The following KRTAP10-1 variants were observed in gnomAD, a reference collection of about 807,000 sequenced individuals.
The protein encoded by KRTAP10-1 is keratin-associated protein 10-1.
For missense variants in KRTAP10-1, 364 were observed against 369.2 expected (o/e 0.99, Z 0.12); for synonymous variants, 155 against 153.3 (o/e 1.01, Z -0.08).
chr21:44,539,001 T>G lies in KRTAP10-1; in HGVS notation c.*301A>C. On this transcript the variant is annotated 3_prime_UTR_variant, in exon 1 of 1. Transcript: ENST00000400375. ...GAGAATCAGGTGACCAAGGAGAGTTTATTGGGGAGCAGGAGGAGGTGCTGA... is the reference window on the plus strand; with the variant it reads ...GAGAATCAGGTGACCAAGGAGAGTTGATTGGGGAGCAGGAGGAGGTGCTGA... 1 of 550,820 alleles carries G rather than the reference T, an allele frequency of 1.8e-6. No homozygotes were observed. The highest frequency in any genetic ancestry group is 3.2e-6 in the Non-Finnish European group (1 of 309,644). 34.1% of individuals were successfully genotyped at this position (550,820 alleles called of 1,614,324 possible).
At position 44,539,932 on chromosome 21, in the gene KRTAP10-1, G is replaced by C. The variant is rs782008637; in HGVS notation, c.219C>G (p.Ser73Arg). Residue 73 changes from serine to arginine, a missense_variant, in exon 1 of 1, where the codon AGC (serine) becomes AGG (arginine). By Grantham distance (110) the Ser-to-Arg change is moderately radical. Transcript: ENST00000400375. Reference protein sequence around the residue: ...EPSPCQSGCTSSCTPSCCQQS... With the variant: ...EPSPCQSGCTRSCTPSCCQQS... Reference sequence around the variant, plus strand: ...GCTGGCAGCACGAGGGCGTGCAGGAGCTGGTGCAGCCTGATTGGCAGGGGC... The same window carrying C: ...GCTGGCAGCACGAGGGCGTGCAGGACCTGGTGCAGCCTGATTGGCAGGGGC... The C allele has an allele frequency of 6.2e-7, 1 of 1,613,820 alleles. No individual in the cohort carries two copies. The highest frequency in any genetic ancestry group is 1.1e-5 in the South Asian group (1 of 91,062).
Position 44,539,956 on chromosome 21 carries a change from G to C in KRTAP10-1, c.195C>G (p.Ser65Arg). Residue 65 changes from serine (S) to arginine (R), a missense_variant, in exon 1 of 1, where the codon AGC becomes AGG. Ser to Arg is a moderately radical substitution (Grantham distance 110). Transcript: ENST00000400375. ...SPCCQAACEP[S>R]PCQSGCTSSC... Reference sequence around the variant, plus strand: ...AGCTGGTGCAGCCTGATTGGCAGGGGCTGGGCTCACAGGCTGCCTGGCAGC... The same window carrying C: ...AGCTGGTGCAGCCTGATTGGCAGGGCCTGGGCTCACAGGCTGCCTGGCAGC... The C allele has an allele frequency of 3.1e-6, 5 of 1,613,546 alleles. No individual in the cohort carries two copies. The highest frequency in any genetic ancestry group is 4.2e-6 in the Non-Finnish European group (5 of 1,179,958).
At position 44,539,261 on chromosome 21, in the gene KRTAP10-1, G is replaced by GAT. The variant is rs1601385652; in HGVS notation, c.*40_*41insAT. 3.1e-6 allele frequency: 5 copies of GAT among 1,592,962 alleles called. No individual in the cohort carries two copies. In the East Asian group the frequency reaches 8.9e-5, roughly 28 times the overall value. On this transcript the variant is annotated 3_prime_UTR_variant, in exon 1 of 1. Transcript: ENST00000400375. ...AACTGAGCCCAGCTGGCCCAGGGCG[G>GAT]GTGCCCATCAGCAGCTGGACTCCTG...
In KRTAP10-1 at chr21:44,539,056, A is replaced by G. The variant is rs2053149237; in HGVS notation, c.*246T>C. Reference sequence around the variant, plus strand: ...TTCAAGTCGAGGCCAAGTGACCCAGAGCAGAGAAGCTGGGAGGGAGGACAG... The same window carrying G: ...TTCAAGTCGAGGCCAAGTGACCCAGGGCAGAGAAGCTGGGAGGGAGGACAG... On this transcript the variant is annotated 3_prime_UTR_variant, in exon 1 of 1. Transcript: ENST00000400375. 8 of 632,674 alleles carry G rather than the reference A, an allele frequency of 1.3e-5. No individual in the cohort carries two copies. Among genetic ancestry groups the G allele is most frequent in the Middle Eastern group, 4.2e-4 (1 of 2,358 alleles). The allele number at this position is 632,674 out of a possible 1,614,324, so 39.2% of individuals were successfully genotyped here. A position where few individuals can be genotyped will look rare whatever the true frequency, so the allele number is the denominator to read the frequency against.
rs1569173412 is a variant in KRTAP10-1 at position 44,539,376 on chromosome 21, G to A, written c.775C>T (p.Gln259Ter). 6.2e-7 allele frequency: 1 copy of A among 1,612,756 alleles called. No individual in the cohort carries two copies. ...SSCCAPASSC[Q>*]ASCCRPASCV... is the part of the protein sequence containing the mutation. Reference sequence around the variant, plus strand: ...GAGGCCGGGCGGCAGCAGCTGGCCTGGCAGGAGGAGGCAGGGGCACAGCAG... The same window carrying A: ...GAGGCCGGGCGGCAGCAGCTGGCCTAGCAGGAGGAGGCAGGGGCACAGCAG... Residue 259 changes from glutamine to a stop codon, truncating the protein, a stop_gained, in exon 1 of 1, where the codon CAG becomes TAG. Coordinates refer to ENST00000400375, the MANE Select transcript of KRTAP10-1 (RefSeq NM_198691.3). LOFTEE classifies it high-confidence loss of function.
At position 44,539,990 on chromosome 21, in the gene KRTAP10-1, G is replaced by T; in HGVS notation, c.161C>A (p.Ser54Tyr). ...TLVCTPVSRV[S>Y]SPCCQAACEP... ...ACAGGCTGCCTGGCAGCAGGGGCTG[G>T]ACACACGGCTCACTGGGGTGCAGAC... The change falls in exon 1 of 1, where the codon TCC (serine) becomes TAC (tyrosine). Residue 54 changes from serine (S) to tyrosine (Y), a missense_variant. Ser to Tyr is a moderately radical substitution (Grantham distance 144, BLOSUM62 -2). Coordinates refer to ENST00000400375, the MANE Select transcript of KRTAP10-1 (RefSeq NM_198691.3). 6.2e-7 allele frequency: 1 copy of T among 1,613,250 alleles called. No homozygotes were observed. The highest frequency in any genetic ancestry group is 8.5e-7 in the Non-Finnish European group (1 of 1,179,924).
At position 44,539,809 on chromosome 21, in the gene KRTAP10-1, G is replaced by A. The variant is rs1555916925; in HGVS notation, c.342C>T (p.Cys114=). The stretch of plus-strand genomic sequence containing the variant: ...GGCAGCATGAAGAGGAATCCTTAGA[G>A]CAGGTGGGCAGGCAGCACACAGGCT... ...CCKPVCCLPT[C]SKDSSSCCQQ... The change falls in exon 1 of 1, where the codon TGC becomes TGT. Residue 114 remains cysteine (C), a synonymous_variant. Transcript: ENST00000400375. 10 of 1,613,328 alleles carry A rather than the reference G, an allele frequency of 6.2e-6. No homozygotes were observed. The highest frequency in any genetic ancestry group is 8.5e-6 in the Non-Finnish European group (10 of 1,179,718).
chr21:44,539,084 G>A lies in KRTAP10-1; in HGVS notation c.*218C>T. On this transcript the variant is annotated 3_prime_UTR_variant, in exon 1 of 1. Transcript: ENST00000400375. ...AGAGAAGCTGGGAGGGAGGACAGGG[G>A]ACCTAGCAGGCAGGTGGGCACCTGC... The A allele has an allele frequency of 2.7e-6, 2 of 750,126 alleles. No individual in the cohort carries two copies. Among genetic ancestry groups the A allele is most frequent in the Non-Finnish European group, 4.2e-6 (2 of 475,286 alleles). 46.5% of individuals were successfully genotyped at this position (750,126 alleles called of 1,614,324 possible).
chr21:44,539,066 C>G lies in KRTAP10-1; in HGVS notation c.*236G>C, dbSNP rs2053149342. On this transcript the variant is annotated 3_prime_UTR_variant, in exon 1 of 1. Coordinates refer to ENST00000400375, the MANE Select transcript of KRTAP10-1 (RefSeq NM_198691.3). ...GGCCAAGTGACCCAGAGCAGAGAAG[C>G]TGGGAGGGAGGACAGGGGACCTAGC... 2 of 659,860 alleles carry G rather than the reference C, an allele frequency of 3.0e-6. No individual in the cohort carries two copies. The highest frequency in any genetic ancestry group is 2.8e-5 in the East Asian group (1 of 36,310). The allele number at this position is 659,860 out of a possible 1,614,324, so 40.9% of individuals were successfully genotyped here.
In KRTAP10-1 at chr21:44,539,070, G is replaced by C; in HGVS notation, c.*232C>G. 1 of 671,254 alleles carries C rather than the reference G, an allele frequency of 1.5e-6. No individual in the cohort carries two copies. The highest frequency in any genetic ancestry group is 2.5e-6 in the Non-Finnish European group (1 of 404,670). 41.6% of individuals were successfully genotyped at this position (671,254 alleles called of 1,614,324 possible). The stretch of plus-strand genomic sequence containing the variant: ...AAGTGACCCAGAGCAGAGAAGCTGG[G>C]AGGGAGGACAGGGGACCTAGCAGGC... On this transcript the variant is annotated 3_prime_UTR_variant, in exon 1 of 1. Coordinates refer to ENST00000400375, the MANE Select transcript of KRTAP10-1 (RefSeq NM_198691.3).
At position 44,539,236 on chromosome 21, in the gene KRTAP10-1, A is replaced by C; in HGVS notation, c.*66T>G. 1 of 1,571,638 alleles carries C rather than the reference A, an allele frequency of 6.4e-7. No individual in the cohort carries two copies. On this transcript the variant is annotated 3_prime_UTR_variant, in exon 1 of 1. Coordinates refer to ENST00000400375, the MANE Select transcript of KRTAP10-1 (RefSeq NM_198691.3). ...GGGAAGCCACCTAACCCAGGTCAGGAACTGAGCCCAGCTGGCCCAGGGCGG... is the reference window on the plus strand; with the variant it reads ...GGGAAGCCACCTAACCCAGGTCAGGCACTGAGCCCAGCTGGCCCAGGGCGG...
At position 44,539,181 on chromosome 21, in the gene KRTAP10-1, A is replaced by T; in HGVS notation, c.*121T>A. Reference sequence around the variant, plus strand: ...CAAGGAGGGGGGGTCACCTCAGCACAGGGGAGACACGGGGACCCGTCCTAG... The same window carrying T: ...CAAGGAGGGGGGGTCACCTCAGCACTGGGGAGACACGGGGACCCGTCCTAG... On this transcript the variant is annotated 3_prime_UTR_variant, in exon 1 of 1. Transcript: ENST00000400375. 6.8e-7 allele frequency: 1 copy of T among 1,466,514 alleles called. No homozygotes were observed. Among genetic ancestry groups the T allele is most frequent in the Non-Finnish European group, 9.0e-7 (1 of 1,108,350 alleles). 90.8% of individuals were successfully genotyped at this position (1,466,514 alleles called of 1,614,324 possible).
In KRTAP10-1 at chr21:44,540,112, G is replaced by A. The variant is rs782463386; in HGVS notation, c.39C>T (p.Cys13=). The part of the protein sequence containing the change: ...ASTMSVCSSA[C]SDSWQVDACP... Reference sequence around the variant, plus strand: ...AGGCATCCACCTGCCAGGAGTCGGAGCAAGCGCTGGAGCAGACGGACATGG... The same window carrying A: ...AGGCATCCACCTGCCAGGAGTCGGAACAAGCGCTGGAGCAGACGGACATGG... Residue 13 remains cysteine, a synonymous_variant, in exon 1 of 1, where the codon TGC becomes TGT. Coordinates refer to ENST00000400375, the MANE Select transcript of KRTAP10-1 (RefSeq NM_198691.3). The A allele has an allele frequency of 5.6e-6, 9 of 1,613,682 alleles. No individual in the cohort carries two copies. The highest frequency in any genetic ancestry group is 7.6e-6 in the Non-Finnish European group (9 of 1,179,920).
chr21:44,540,172 G>A lies in KRTAP10-1; in HGVS notation c.-22C>T. On this transcript the variant is annotated 5_prime_UTR_variant, in exon 1 of 1. Coordinates refer to ENST00000400375, the MANE Select transcript of KRTAP10-1 (RefSeq NM_198691.3). ...CCATGCTGGGGTGGGGAGGAGGTGA[G>A]CTGCGGGAGGTGTGAGTGAGTGAGT... 6.2e-7 allele frequency: 1 copy of A among 1,606,318 alleles called. No homozygotes were observed. Among genetic ancestry groups the A allele is most frequent in the Non-Finnish European group, 8.5e-7 (1 of 1,176,268 alleles).
Position 44,539,384 on chromosome 21 carries a change from G to A in KRTAP10-1, c.767C>T (p.Ser256Phe), listed in dbSNP as rs781993874. The A allele has an allele frequency of 6.2e-7, 1 of 1,612,756 alleles. No homozygotes were observed. Among genetic ancestry groups the A allele is most frequent in the Non-Finnish European group, 8.5e-7 (1 of 1,179,354 alleles). Reference sequence around the variant, plus strand: ...GCGGCAGCAGCTGGCCTGGCAGGAGGAGGCAGGGGCACAGCAGGAGGAGAC... The same window carrying A: ...GCGGCAGCAGCTGGCCTGGCAGGAGAAGGCAGGGGCACAGCAGGAGGAGAC... ...MPVSSCCAPASSCQASCCRPA... is the reference protein window; with the variant it reads ...MPVSSCCAPAFSCQASCCRPA... Residue 256 changes from serine to phenylalanine, a missense_variant, in exon 1 of 1, where the codon TCC becomes TTC. Transcript: ENST00000400375.
At position 44,539,466 on chromosome 21, in the gene KRTAP10-1, A is replaced by G. The variant is rs2053164415; in HGVS notation, c.685T>C (p.Ser229Pro). ...CGGCAGAGGAGGGACACGGAGGAGG[A>G]GGGTCTGCAGCAGGAGGTGGTGCAG... ...ACCTTSCCRP[S>P]SSVSLLCRPV... is the part of the protein sequence containing the mutation. The change falls in exon 1 of 1, where the codon TCC becomes CCC. Residue 229 changes from serine to proline, a missense_variant. Coordinates refer to ENST00000400375, the MANE Select transcript of KRTAP10-1 (RefSeq NM_198691.3). 1.9e-6 allele frequency: 3 copies of G among 1,613,066 alleles called. No individual in the cohort carries two copies. Among genetic ancestry groups the G allele is most frequent in the Non-Finnish European group, 2.5e-6 (3 of 1,179,618 alleles).
In KRTAP10-1 at chr21:44,539,979, A is replaced by G. The variant is rs369902631; in HGVS notation, c.172T>C (p.Cys58Arg). The G allele has an allele frequency of 4.3e-6, 7 of 1,613,338 alleles. No individual in the cohort carries two copies. The highest frequency in any genetic ancestry group is 5.9e-6 in the Non-Finnish European group (7 of 1,179,930). Reference sequence around the variant, plus strand: ...GGGCTGGGCTCACAGGCTGCCTGGCAGCAGGGGCTGGACACACGGCTCACT... The same window carrying G: ...GGGCTGGGCTCACAGGCTGCCTGGCGGCAGGGGCTGGACACACGGCTCACT... ...TPVSRVSSPC[C>R]QAACEPSPCQ... The change falls in exon 1 of 1, where the codon TGC becomes CGC. Residue 58 changes from cysteine to arginine, a missense_variant. Coordinates refer to ENST00000400375, the MANE Select transcript of KRTAP10-1 (RefSeq NM_198691.3).
chr21:44,540,096 C>T lies in KRTAP10-1; in HGVS notation c.55G>A (p.Val19Met). The stretch of plus-strand genomic sequence containing the variant: ...CAGCAGCTCTCTGGGCAGGCATCCA[C>T]CTGCCAGGAGTCGGAGCAAGCGCTG... Reference protein sequence around the residue: ...CSSACSDSWQVDACPESCCEP... With the variant: ...CSSACSDSWQMDACPESCCEP... Residue 19 changes from valine (V) to methionine (M), a missense_variant, in exon 1 of 1, where the codon GTG becomes ATG. Transcript: ENST00000400375. The T allele has an allele frequency of 1.2e-6, 2 of 1,613,774 alleles. No homozygotes were observed. The highest frequency in any genetic ancestry group is 1.7e-6 in the Non-Finnish European group (2 of 1,179,958).
rs1555916799 is a variant in KRTAP10-1, at chr21:44,539,374, C to T, written c.777G>A (p.Gln259=). The change falls in exon 1 of 1, where the codon CAG becomes CAA. Residue 259 remains glutamine (Q), a synonymous_variant. Transcript: ENST00000400375. ...AGGAGGCCGGGCGGCAGCAGCTGGC[C>T]TGGCAGGAGGAGGCAGGGGCACAGC... ...SSCCAPASSC[Q]ASCCRPASCV... 1.2e-6 allele frequency: 2 copies of T among 1,612,574 alleles called. No homozygotes were observed. Among genetic ancestry groups the T allele is most frequent in the Non-Finnish European group, 1.7e-6 (2 of 1,179,390 alleles).
Sources: allele counts gnomAD v4.1 joint callset, GRCh38; gene constraint gnomAD v4.1.1; transcripts MANE v1.5; gene names NCBI Gene and HGNC (gene_info 2026-07-23, HGNC 2026-07-21).